NR4A3: variants seen among roughly 807,000 people sequenced by gnomAD.
The protein encoded by NR4A3 is chondrosarcoma, extraskeletal myxoid, fused to EWS.
A neutral mutation model predicts 55.6 loss-of-function variants in NR4A3; 13 were observed. The observed-to-expected ratio is 0.23, with a 90% CI of 0.15 to 0.37. The LOEUF (loss-of-function observed/expected upper bound fraction) is 0.37, where lower values mean the gene tolerates loss of function less well. Among genes scored for constraint, NR4A3 ranks in the 10% least tolerant of loss-of-function variants. NR4A3 has a pLI of 1.00. For missense variants in NR4A3, 646 were observed against 822.8 expected (o/e 0.79, Z 2.63); for synonymous variants, 342 against 357.9 (o/e 0.96, Z 0.50).
chr9:99,826,761 C>T (rs757222496), intron 2 of NR4A3: 168 of 1,613,590 alleles, frequency 1.0e-4, no homozygotes, highest in Non-Finnish European at 1.4e-4. Flanking sequence ...GTCAAGATTT[C>T]ATCCCATACA....
At chr9:99,843,167 T>C (rs910869102) in intron 5 of NR4A3, among the ~76,000 whole-genome samples, 2 of 152,244 alleles carry the variant, frequency 1.3e-5, no homozygotes, top group Non-Finnish European at 1.5e-5. Context: ...TTCCTACTTA[T>C]ATCGTTCTGC....
intron 7 of NR4A3, among the ~76,000 whole-genome samples, chr9:99,849,251 C>T (rs901881633): frequency 2.0e-5 from 3 of 152,174 alleles, no homozygotes; most frequent in African/African-American, 7.2e-5. Flanking sequence ...CAGGCAAAGA[C>T]AAGCAACTGG....
intron 1 of NR4A3, among the ~76,000 whole-genome samples, chr9:99,824,431 C>T (rs1407163763): frequency 1.3e-5 from 2 of 152,196 alleles, no homozygotes; most frequent in Non-Finnish European, 2.9e-5. Flanking sequence ...ACGGGAAGCA[C>T]GTGCTACAGC....
At chr9:99,860,502 C>A (rs1056572909) in intron 7 of NR4A3, among the ~76,000 whole-genome samples, 5 of 152,172 alleles carry the variant, frequency 3.3e-5, no homozygotes, top group African/African-American at 1.2e-4. Context: ...ATTTATAGCT[C>A]TTGAAATTTA....
At chr9:99,824,095 C>A (rs1827240285) in intron 1 of NR4A3, among the ~76,000 whole-genome samples, 1 of 152,140 alleles carries the variant, frequency 6.6e-6, no homozygotes, top group African/African-American at 2.4e-5. Flanking sequence ...CTCCCGGCCC[C>A]GGCGGCCGCA....
chr9:99,827,425 G>A (rs1202518171), intron 2 of NR4A3, among the ~76,000 whole-genome samples: 1 of 152,152 alleles, frequency 6.6e-6, no homozygotes, highest in Non-Finnish European at 1.5e-5. Flanking sequence ...CAGGGGTCCA[G>A]TTTGTGCAGG....
intron 7 of NR4A3, among the ~76,000 whole-genome samples, chr9:99,850,425 G>A (rs1032685240): frequency 6.6e-6 from 1 of 152,186 alleles, no homozygotes; most frequent in African/African-American, 2.4e-5. Flanking sequence ...TGGGTGCCAG[G>A]AAGACCCAAC....
chr9:99,845,142 C>A (rs746715269), intron 6 of NR4A3, among the ~76,000 whole-genome samples: 2 of 152,160 alleles, frequency 1.3e-5, no homozygotes, highest in Non-Finnish European at 2.9e-5. Flanking sequence ...ATTTGATGAT[C>A]TCTTGAGGTC....
At chr9:99,842,761 A>G (rs1827677999) in intron 5 of NR4A3, among the ~76,000 whole-genome samples, 1 of 152,138 alleles carries the variant, frequency 6.6e-6, no homozygotes, top group Admixed American at 6.5e-5. Context: ...AGCTAGTAAC[A>G]TCAGACATAC....
intron 5 of NR4A3, 191 bp downstream of exon 5, chr9:99,833,645 T>A: frequency 6.3e-7 from 1 of 1,593,842 alleles, no homozygotes; most frequent in Non-Finnish European, 8.5e-7. Flanking sequence ...CCTTATTGAA[T>A]CTCTAAATGC....
intron 3 of NR4A3, among the ~76,000 whole-genome samples, 195 bp downstream of exon 3, chr9:99,829,188 C>A (rs753847172): frequency 6.6e-5 from 10 of 152,184 alleles, no homozygotes; most frequent in Non-Finnish European, 1.3e-4. Context: ...TGCAGCAGGC[C>A]ACCCCAGACG....
At chr9:99,832,663 G>A (rs1827468359) in intron 3 of NR4A3, 26 bp from the exon 4 acceptor site, 1 of 1,522,706 alleles carries the variant, frequency 6.6e-7, no homozygotes, top group African/African-American at 1.4e-5. Context: ...ACTATCAGTT[G>A]ACTATCTTGT....
At chr9:99,838,838 A>T (rs947579335) in intron 5 of NR4A3, among the ~76,000 whole-genome samples, 1 of 152,254 alleles carries the variant, frequency 6.6e-6, no homozygotes, top group Non-Finnish European at 1.5e-5. Context: ...ATTCTTTGGC[A>T]CACTAAGGTT....
chr9:99,834,884 C>T, intron 5 of NR4A3: 3 of 984,122 alleles, frequency 3.0e-6, no homozygotes, highest in Non-Finnish European at 3.6e-6. Flanking sequence ...CTCTTGACTA[C>T]AATCAAGTCT....
At chr9:99,845,182 G>A (rs1046188590) in intron 6 of NR4A3, among the ~76,000 whole-genome samples, 24 of 152,142 alleles carry the variant, frequency 1.6e-4, no homozygotes, top group African/African-American at 4.8e-4. Flanking sequence ...TATGATTCTC[G>A]AAAGATTCTC....
At chr9:99,843,982 G>C (rs1468111025) in intron 5 of NR4A3, among the ~76,000 whole-genome samples, 2 of 151,982 alleles carry the variant, frequency 1.3e-5, no homozygotes, top group Non-Finnish European at 2.9e-5. Context: ...TCGAACTCCT[G>C]ACCTCAGGTG....
chr9:99,862,691 C>T (rs1322051575), intron 7 of NR4A3, among the ~76,000 whole-genome samples: 1 of 151,582 alleles, frequency 6.6e-6, no homozygotes, highest in Non-Finnish European at 1.5e-5. Flanking sequence ...CCAGTATTTG[C>T]CTCAGAAAAC....
chr9:99,850,196 G>A (rs1444146767), intron 7 of NR4A3, among the ~76,000 whole-genome samples: 1 of 152,174 alleles, frequency 6.6e-6, no homozygotes, highest in East Asian at 1.9e-4. Context: ...GGATCCACAG[G>A]TTTTGTCCAA....
At position 99,825,090 on chromosome 9, in the gene NR4A3, A is replaced by G. The variant is rs978618562; in HGVS notation, c.-176-569A>G. On this transcript the variant is annotated intron_variant, in intron 1 of 7. Coordinates refer to ENST00000395097, the MANE Select transcript of NR4A3 (RefSeq NM_006981.4). This position sits in a 1 kb window ranked among gnomAD's most constrained non-coding sequence, Gnocchi z 5.0. ...TCGCGGCTAATAGAAGCGAAGCTCC[A>G]TTAGCATTTAGAATGAAAAGCGCAG... Among the ~76,000 whole-genome samples, 2 of 152,096 alleles carry G rather than the reference A, an allele frequency of 1.3e-5. No homozygotes were observed. Among genetic ancestry groups the G allele is most frequent in the African/African-American group, 2.4e-5 (1 of 41,408 alleles).
Sources: allele counts gnomAD v4.1 joint callset (sites outside exome capture counted in the v4.1 genomes callset), GRCh38; gene constraint gnomAD v4.1.1; non-coding constraint Gnocchi (gnomAD v3.1); transcripts MANE v1.5; gene names NCBI Gene and HGNC (gene_info 2026-07-23, HGNC 2026-07-21).